Variants in MALRD1 observed in about 807,000 individuals in gnomAD.
The protein encoded by MALRD1 is MAM and LDL-receptor class A domain-containing protein 1.
A neutral mutation model predicts 242.1 loss-of-function variants in MALRD1; 247 were observed. The observed-to-expected ratio is 1.02, with a 90% CI of 0.92 to 1.13. The LOEUF (loss-of-function observed/expected upper bound fraction) is 1.13. Among genes scored for constraint, MALRD1 ranks in the 50% most tolerant of loss-of-function variants. The pLI, the probability that MALRD1 is intolerant of heterozygous loss-of-function variation, is 0.00. For missense variants in MALRD1, 2,989 were observed against 2,533.1 expected (o/e 1.18, Z -3.86); for synonymous variants, 995 against 866.6 (o/e 1.15, Z -2.60).
intron 12 of MALRD1, among the ~76,000 whole-genome samples, chr10:19,159,907 A>T (rs1326586398): frequency 2.0e-5 from 3 of 152,058 alleles, no homozygotes; most frequent in Non-Finnish European, 2.9e-5. Context: ...TTTTTTAAAA[A>T]TAGAAATAAT....
chr10:19,482,996 A>C (rs1320267345), intron 29 of MALRD1, among the ~76,000 whole-genome samples: 2 of 152,130 alleles, frequency 1.3e-5, no homozygotes, highest in African/African-American at 2.4e-5. Context: ...AGTAATCCTG[A>C]GCACAAAGAA....
At chr10:19,558,005 T>C (rs1835802971) in intron 32 of MALRD1, among the ~76,000 whole-genome samples, 1 of 152,086 alleles carries the variant, frequency 6.6e-6, no homozygotes, top group Non-Finnish European at 1.5e-5. Flanking sequence ...ATTTCTTTTT[T>C]GGTGCTAATA....
intron 22 of MALRD1, among the ~76,000 whole-genome samples, chr10:19,326,541 A>G (rs140730326): frequency 2.9e-4 from 44 of 152,120 alleles, no homozygotes; most frequent in African/African-American, 9.9e-4. Flanking sequence ...ATTTTTTTCA[A>G]TGCCTTTCAA....
chr10:19,436,219 C>G (rs1834346399), intron 28 of MALRD1, among the ~76,000 whole-genome samples: 1 of 152,164 alleles, frequency 6.6e-6, no homozygotes, highest in African/African-American at 2.4e-5. Flanking sequence ...CAACTGAGCA[C>G]TGTGTTGCTT....
chr10:19,293,850 C>T (rs1437240142), intron 21 of MALRD1, among the ~76,000 whole-genome samples: 1 of 152,092 alleles, frequency 6.6e-6, no homozygotes, highest in Non-Finnish European at 1.5e-5. Flanking sequence ...AACAAATCCC[C>T]GTTACATGAA....
At chr10:19,247,213 C>G (rs141401287) in intron 18 of MALRD1, among the ~76,000 whole-genome samples, 97 of 152,028 alleles carry the variant, frequency 6.4e-4, no homozygotes, top group Non-Finnish European at 1.1e-3. Flanking sequence ...TGTACTACTG[C>G]CACATCTTCA....
chr10:19,242,717 C>T (rs1259024331), intron 18 of MALRD1, among the ~76,000 whole-genome samples: 4 of 151,714 alleles, frequency 2.6e-5, no homozygotes, highest in East Asian at 1.9e-4. Context: ...TTATTTAAAG[C>T]CTTTTAAAAT....
At chr10:19,260,266 G>T (rs1281393108) in intron 19 of MALRD1, among the ~76,000 whole-genome samples, 1 of 149,454 alleles carries the variant, frequency 6.7e-6, no homozygotes, top group Non-Finnish European at 1.5e-5. Context: ...TAAGAGCAAA[G>T]ACATAGACAG....
intron 34 of MALRD1, among the ~76,000 whole-genome samples, chr10:19,606,353 A>G (rs1050802683): frequency 3.9e-5 from 6 of 152,228 alleles, no homozygotes; most frequent in South Asian, 2.1e-4. Context: ...TTGGAGTAAA[A>G]TGTTCAATGA....
intron 38 of MALRD1, among the ~76,000 whole-genome samples, chr10:19,714,188 T>C (rs891555309): frequency 2.6e-5 from 4 of 152,160 alleles, no homozygotes; most frequent in African/African-American, 9.7e-5. Context: ...CTGGAAAAAT[T>C]GGATCACACG....
At chr10:19,213,791 A>T (rs1243021673) in intron 18 of MALRD1, among the ~76,000 whole-genome samples, 1 of 151,986 alleles carries the variant, frequency 6.6e-6, no homozygotes, top group African/African-American at 2.4e-5. Flanking sequence ...AATATTCTTG[A>T]TCTTTGTGTT....
rs566799087 is a variant in MALRD1 at position 19,432,953 on chromosome 10, A to T, written c.4846-17354A>T. Among the ~76,000 whole-genome samples the T allele has an allele frequency of 2.0e-5, 3 of 152,134 alleles. No homozygotes were observed. In the South Asian group the frequency reaches 6.2e-4, roughly 32 times the overall value. On this transcript the variant is annotated intron_variant, in intron 28 of 39. Transcript: ENST00000454679. ...ATTACATTCTTTACATTCCATGCAC[A>T]CTCATTATCTCTTACGTAATACACT...
intron 1 of MALRD1, among the ~76,000 whole-genome samples, chr10:19,060,398 CA>C (rs1834788936): frequency 6.6e-6 from 1 of 152,170 alleles, no homozygotes. Flanking sequence ...AAGGTGAACA[CA>C]GTTCCTTTTT....
intron 28 of MALRD1, among the ~76,000 whole-genome samples, chr10:19,443,896 G>A (rs888055739): frequency 1.3e-5 from 2 of 152,158 alleles, no homozygotes; most frequent in African/African-American, 4.8e-5. Context: ...CTGTCTCGTG[G>A]ATCTGTCTAA....
intron 18 of MALRD1, among the ~76,000 whole-genome samples, chr10:19,249,228 G>A (rs1839199618): frequency 1.3e-5 from 2 of 151,462 alleles, no homozygotes; most frequent in Non-Finnish European, 2.9e-5. Context: ...CATAAGTTGG[G>A]GAATGGAAAA....
At chr10:19,212,546 A>G (rs1336184604) in intron 18 of MALRD1, among the ~76,000 whole-genome samples, 7 of 152,236 alleles carry the variant, frequency 4.6e-5, no homozygotes, top group Non-Finnish European at 7.3e-5. Context: ...TACATGTGCT[A>G]TGAACATTTG....
chr10:19,554,218 G>A (rs1202754632), intron 32 of MALRD1, among the ~76,000 whole-genome samples: 1 of 152,074 alleles, frequency 6.6e-6, no homozygotes, highest in Non-Finnish European at 1.5e-5. Context: ...TCACAGTTCT[G>A]TAGGTTCTAC....
At position 19,087,889 on chromosome 10, in the gene MALRD1, A is replaced by C; in HGVS notation, c.390A>C (p.Leu130Phe). The change falls in exon 3 of 40, where the codon TTA (leucine) becomes TTC (phenylalanine). Residue 130 changes from leucine to phenylalanine, a missense_variant. Physicochemically the swap from Leu to Phe is conservative, Grantham distance 22 (BLOSUM62 0). Transcript: ENST00000454679. ...VSRVDSISSS[L>F]RSRVFLPTND... Reference sequence around the variant, plus strand: ...GAGTGGATTCTATTTCCTCAAGTTTAAGAAGCAGAGTTTTCCTTCCAACAA... The same window carrying C: ...GAGTGGATTCTATTTCCTCAAGTTTCAGAAGCAGAGTTTTCCTTCCAACAA... The C allele has an allele frequency of 7.3e-6, 9 of 1,233,304 alleles. No individual in the cohort carries two copies. Among genetic ancestry groups the C allele is most frequent in the Non-Finnish European group, 9.1e-6 (9 of 987,798 alleles). 76.4% of individuals were successfully genotyped at this position (1,233,304 alleles called of 1,614,324 possible).
intron 26 of MALRD1, among the ~76,000 whole-genome samples, chr10:19,385,636 G>C (rs1417185674): frequency 1.3e-5 from 2 of 151,676 alleles, no homozygotes; most frequent in East Asian, 1.9e-4. Context: ...TTTATTCTTT[G>C]TTCATCTAGC....
Sources: allele counts gnomAD v4.1 joint callset (sites outside exome capture counted in the v4.1 genomes callset), GRCh38; gene constraint gnomAD v4.1.1; transcripts MANE v1.5; gene names NCBI Gene and HGNC (gene_info 2026-07-23, HGNC 2026-07-21).